The following ANKS1A variants were observed in gnomAD, a reference collection of about 807,000 sequenced individuals.
ANKS1A encodes the protein ankyrin repeat and sterile alpha motif domain containing 1A.
ANKS1A carries 55 observed loss-of-function variants against 120.3 expected under a neutral mutation model. The ratio of observed to expected loss-of-function variants is 0.46; its 90% CI spans 0.37 to 0.57. ANKS1A has a LOEUF of 0.57. Ranked by LOEUF, ANKS1A falls within the 20% of genes least tolerant of loss-of-function variation. The probability of loss-of-function intolerance (pLI) is 0.00; values close to 1 mark genes in which losing one functional copy is unlikely to be tolerated. For synonymous variants in ANKS1A, 590 were observed against 604.7 expected, an observed-to-expected ratio of 0.98 and a Z score of 0.36; for missense variants, 1,123 against 1,480.3, an observed-to-expected ratio of 0.76 and a Z score of 3.96.
chr6:34,926,610 G>C (rs774085951), intron 1 of ANKS1A, among the ~76,000 whole-genome samples: 8 of 152,180 alleles, frequency 5.3e-5, no homozygotes, highest in Non-Finnish European at 8.8e-5. Flanking sequence ...GTCTGTCTCT[G>C]TGCTTGAGGT....
chr6:34,933,013 T>C (rs1168569149), intron 1 of ANKS1A, among the ~76,000 whole-genome samples: 1 of 152,264 alleles, frequency 6.6e-6, no homozygotes, highest in Non-Finnish European at 1.5e-5. Flanking sequence ...TTGTCCATTT[T>C]ATTTTATCCT....
intron 1 of ANKS1A, among the ~76,000 whole-genome samples, chr6:34,933,149 A>C (rs1416985259): frequency 6.6e-6 from 1 of 152,232 alleles, no homozygotes; most frequent in African/African-American, 2.4e-5. Flanking sequence ...TCATTTGGAC[A>C]TCTTTGAATT....
intron 10 of ANKS1A, among the ~76,000 whole-genome samples, chr6:34,996,037 C>T (rs956425611): frequency 1.3e-5 from 2 of 152,140 alleles, no homozygotes; most frequent in African/African-American, 2.4e-5. Context: ...TACCATTTTG[C>T]GTTTCCATCA....
At chr6:34,898,659 T>C (rs1264339922) in intron 1 of ANKS1A, among the ~76,000 whole-genome samples, 1 of 152,218 alleles carries the variant, frequency 6.6e-6, no homozygotes, top group Non-Finnish European at 1.5e-5. Flanking sequence ...AAATCAGTTA[T>C]AATTTTACCA....
At chr6:34,915,071 C>T (rs550863322) in intron 1 of ANKS1A, among the ~76,000 whole-genome samples, 50 of 152,264 alleles carry the variant, frequency 3.3e-4, no homozygotes, top group African/African-American at 1.2e-3. Flanking sequence ...TTTTGCCTAT[C>T]GTATATATAG....
At chr6:35,023,143 G>C (rs577325611) in intron 11 of ANKS1A, among the ~76,000 whole-genome samples, 157 of 152,256 alleles carry the variant, frequency 1.0e-3, no homozygotes, top group South Asian at 1.9e-3. Context: ...CCCAATAGCT[G>C]TTCTCTCTGG....
intron 13 of ANKS1A, among the ~76,000 whole-genome samples, chr6:35,065,207 GC>G (rs915499743): frequency 1.8e-4 from 26 of 145,494 alleles, no homozygotes; most frequent in Admixed American, 8.3e-4. Flanking sequence ...TGCACCTCTT[GC>G]CCCCCCTCCC....
intron 13 of ANKS1A, among the ~76,000 whole-genome samples, chr6:35,075,487 C>T (rs1295664118): frequency 6.7e-6 from 1 of 149,350 alleles, no homozygotes; most frequent in Non-Finnish European, 1.5e-5. Flanking sequence ...GCGATCTCAG[C>T]TCACTGCAAC....
At chr6:35,080,450 TAACTA>T (rs967012340) in intron 16 of ANKS1A, among the ~76,000 whole-genome samples, 16 of 152,144 alleles carry the variant, frequency 1.1e-4, no homozygotes, top group African/African-American at 2.9e-4. Context: ...GGAATGGCGG[TAACTA>T]GAGCAGCCGC....
intron 7 of ANKS1A, among the ~76,000 whole-genome samples, chr6:34,984,752 T>G (rs1470713920): frequency 6.6e-6 from 1 of 152,192 alleles, no homozygotes; most frequent in Middle Eastern, 3.2e-3. Context: ...CTTAAGTTTT[T>G]CAGTTACACC....
In ANKS1A at chr6:35,091,011, G is replaced by A. The variant is rs1778276838; in HGVS notation, c.*2402G>A. 3 of 985,808 alleles carry A rather than the reference G, an allele frequency of 3.0e-6. No homozygotes were observed. The highest frequency in any genetic ancestry group is 3.5e-5 in the African/African-American group (2 of 57,260). The allele number at this position is 985,808 out of a possible 1,614,324, so 61.1% of individuals were successfully genotyped here. A position where few individuals can be genotyped will look rare whatever the true frequency, so the allele number is the denominator to read the frequency against. ...CGGGTTTGAGCAGGGAGCAGGCAGA[G>A]CTGCAGTCAGAGACATTAGAAAACC... is the stretch of plus-strand genomic sequence containing the variant. On this transcript the variant is annotated 3_prime_UTR_variant, in exon 24 of 24. Coordinates refer to ENST00000360359, the MANE Select transcript of ANKS1A (RefSeq NM_015245.3).
At position 34,964,585 on chromosome 6, in the gene ANKS1A, G is replaced by A. The variant is rs79580952; in HGVS notation, c.198-2654G>A. On this transcript the variant is annotated intron_variant, in intron 1 of 23. Transcript: ENST00000360359. ...TCTTTCCTTTGTTATTACTGTTGTC[G>A]TTGATGGTTACGTAGTATTGTATTT... Among the ~76,000 whole-genome samples the A allele has an allele frequency of 4.3e-3, 648 of 152,262 alleles. 4 individuals are homozygous for A. The highest frequency in any genetic ancestry group is 0.015 in the African/African-American group (604 of 41,530).
chr6:34,909,490 A>G (rs1237574721), intron 1 of ANKS1A, among the ~76,000 whole-genome samples: 1 of 152,236 alleles, frequency 6.6e-6, no homozygotes, highest in Non-Finnish European at 1.5e-5. Flanking sequence ...GTGCGTTTAA[A>G]TGGTCAAGAG....
chr6:34,970,175 G>A lies in ANKS1A; in HGVS notation c.435+9G>A, dbSNP rs746669819. ...CCAGAGTCAATGAACAGGTCGGAAGGAAGGGAGGCTTTCCTTCCTCCATTC... is the reference window on the plus strand; with the variant it reads ...CCAGAGTCAATGAACAGGTCGGAAGAAAGGGAGGCTTTCCTTCCTCCATTC... On this transcript the variant is annotated intron_variant, in intron 3 of 23. Coordinates refer to ENST00000360359, the MANE Select transcript of ANKS1A (RefSeq NM_015245.3). 6.2e-7 allele frequency: 1 copy of A among 1,606,468 alleles called. No individual in the cohort carries two copies. The highest frequency in any genetic ancestry group is 1.3e-5 in the African/African-American group (1 of 74,636).
intron 8 of ANKS1A, among the ~76,000 whole-genome samples, chr6:34,988,942 G>A (rs954293371): frequency 6.6e-6 from 1 of 152,174 alleles, no homozygotes; most frequent in African/African-American, 2.4e-5. Context: ...TAACAAGGCA[G>A]TTATGTGTTC....
intron 3 of ANKS1A, among the ~76,000 whole-genome samples, chr6:34,971,693 GA>G (rs1476196421): frequency 6.6e-6 from 1 of 152,174 alleles, no homozygotes; most frequent in East Asian, 1.9e-4. Flanking sequence ...CATCTGTCAG[GA>G]GACTCATGCA....
chr6:35,026,620 T>G (rs893545362), intron 11 of ANKS1A, among the ~76,000 whole-genome samples: 6 of 152,054 alleles, frequency 3.9e-5, no homozygotes, highest in Non-Finnish European at 8.8e-5. Flanking sequence ...AAGGCCCCTT[T>G]GAGGAGGACG....
At position 35,057,944 on chromosome 6, in the gene ANKS1A, C is replaced by T. The variant is rs1261206764; in HGVS notation, c.2078-2203C>T. On this transcript the variant is annotated intron_variant, in intron 12 of 23. Transcript: ENST00000360359. The surrounding 1 kb of genome is among the most constrained non-coding windows in gnomAD (Gnocchi z 4.1). ...AGCAGTCCCTCTCTATTCTTCCTGA[C>T]AAGCTGTTTCCAGCCCCTGGAGCTA... Among the ~76,000 whole-genome samples, 2 of 152,216 alleles carry T rather than the reference C, an allele frequency of 1.3e-5. No individual in the cohort carries two copies. Among genetic ancestry groups the T allele is most frequent in the African/African-American group, 4.8e-5 (2 of 41,450 alleles).
At chr6:35,047,369 C>T (rs985063591) in intron 11 of ANKS1A, among the ~76,000 whole-genome samples, 3 of 152,136 alleles carry the variant, frequency 2.0e-5, no homozygotes, top group Non-Finnish European at 4.4e-5. Flanking sequence ...TTTTCTTTGG[C>T]CTGGTTTTAT....
Sources: allele counts gnomAD v4.1 joint callset (sites outside exome capture counted in the v4.1 genomes callset), GRCh38; gene constraint gnomAD v4.1.1; non-coding constraint Gnocchi (gnomAD v3.1); transcripts MANE v1.5; gene names NCBI Gene and HGNC (gene_info 2026-07-23, HGNC 2026-07-21).